The following EFCAB6 variants were observed in gnomAD, a reference collection of about 807,000 sequenced individuals.
EFCAB6 encodes EF-hand calcium-binding domain-containing protein 6.
In EFCAB6, 156 loss-of-function variants were observed where a neutral mutation model predicts 169.8. The observed-to-expected ratio is 0.92, with a 90% confidence interval of 0.81 to 1.05. The LOEUF (loss-of-function observed/expected upper bound fraction) is 1.05, where lower values mean the gene tolerates loss of function less well. Among genes scored for constraint, EFCAB6 ranks in the 50% least tolerant of loss-of-function variants. EFCAB6 has a pLI of 0.00. For synonymous variants in EFCAB6, 698 were observed against 676.4 expected, an observed-to-expected ratio of 1.03 and a Z score of -0.50; for missense variants, 1,800 against 1,829.1, an observed-to-expected ratio of 0.98 and a Z score of 0.29.
chr22:43,667,111 A>G lies in EFCAB6; in HGVS notation c.1976T>C (p.Phe659Ser). 6.2e-7 allele frequency: 1 copy of G among 1,613,474 alleles called. No homozygotes were observed. The highest frequency in any genetic ancestry group is 8.5e-7 in the Non-Finnish European group (1 of 1,179,828). Residue 659 changes from phenylalanine (F) to serine (S), a missense_variant, in exon 17 of 32, where the codon TTT becomes TCT. Transcript: ENST00000262726. ...EPNGKINVHD[F>S]KKVLEDTGMP... is the part of the protein sequence containing the mutation. ...AGAAACCCATTCTCCTACCTTCTTA[A>G]AGTCATGCACGTTAATTTTTCCATT... is the stretch of plus-strand genomic sequence containing the variant.
In EFCAB6 at chr22:43,679,720, G is replaced by A. The variant is rs546380529; in HGVS notation, c.1252-1557C>T. Among the ~76,000 whole-genome samples the A allele has an allele frequency of 1.7e-3, 258 of 152,202 alleles. 1 individual carries two copies. The highest frequency in any genetic ancestry group is 6.2e-3 in the African/African-American group (256 of 41,532). The stretch of plus-strand genomic sequence containing the variant: ...TATCTCGTGGCTTTGAGTTTCTCTA[G>A]TGATCAATACTGTCAAGTATCTTTT... On this transcript the variant is annotated intron_variant, in intron 12 of 31. Coordinates refer to ENST00000262726, the MANE Select transcript of EFCAB6 (RefSeq NM_022785.4).
chr22:43,621,198 C>T (rs2054093471), intron 20 of EFCAB6, among the ~76,000 whole-genome samples: 1 of 151,754 alleles, frequency 6.6e-6, no homozygotes, highest in Non-Finnish European at 1.5e-5. Flanking sequence ...AAGCAATTCT[C>T]CTGTCTCAGC....
chr22:43,627,691 G>C (rs1019792638), intron 19 of EFCAB6, among the ~76,000 whole-genome samples: 2 of 152,150 alleles, frequency 1.3e-5, no homozygotes, highest in Admixed American at 1.3e-4. Flanking sequence ...ATCGGCACCT[G>C]ATGCAGCCCC....
chr22:43,724,113 C>T (rs1311979649), intron 8 of EFCAB6, among the ~76,000 whole-genome samples: 2 of 152,178 alleles, frequency 1.3e-5, no homozygotes, highest in African/African-American at 4.8e-5. Flanking sequence ...CCAAATCTCA[C>T]TGCAAGTGGC....
chr22:43,682,326 G>T (rs972033001), intron 12 of EFCAB6, among the ~76,000 whole-genome samples: 10 of 152,134 alleles, frequency 6.6e-5, no homozygotes, highest in African/African-American at 9.7e-5. Context: ...CATGGACTAC[G>T]TACTCAATTC....
At chr22:43,740,730 G>A (rs1197876869) in intron 6 of EFCAB6, among the ~76,000 whole-genome samples, 2 of 152,118 alleles carry the variant, frequency 1.3e-5, no homozygotes, top group Non-Finnish European at 2.9e-5. Context: ...AAGCAAAGCC[G>A]GCTCCAGTGC....
intron 2 of EFCAB6, among the ~76,000 whole-genome samples, chr22:43,792,916 G>A (rs4823141): frequency 0.6 from 91,393 of 152,126 alleles, 27,583 homozygotes; most frequent in Admixed American, 0.67. Context: ...TCAGTCTCAC[G>A]CATTACCCGG....
In EFCAB6 at chr22:43,672,013, G is replaced by A. The variant is rs369672233; in HGVS notation, c.1600C>T (p.His534Tyr). The change falls in exon 15 of 32, where the codon CAC becomes TAC. Residue 534 changes from histidine (H) to tyrosine (Y), a missense_variant. Transcript: ENST00000262726. ...TTCGTTAAAAATGGACAGAAGACGT[G>A]CATGATTTTCTTGAAATTATTTCGG... ...IGRNNFKKIM[H>Y]VFCPFLTNAH... 11 of 1,613,984 alleles carry A rather than the reference G, an allele frequency of 6.8e-6. No individual in the cohort carries two copies. The highest frequency in any genetic ancestry group is 9.3e-6 in the Non-Finnish European group (11 of 1,180,006).
At chr22:43,717,950 T>C (rs912473563) in intron 8 of EFCAB6, among the ~76,000 whole-genome samples, 10 of 152,300 alleles carry the variant, frequency 6.6e-5, no homozygotes, top group Admixed American at 6.5e-4. Flanking sequence ...AATTAACGGA[T>C]GTGGGAAATG....
chr22:43,668,670 A>G (rs1159613574), intron 16 of EFCAB6, among the ~76,000 whole-genome samples: 4 of 152,198 alleles, frequency 2.6e-5, no homozygotes, highest in Non-Finnish European at 5.9e-5. Context: ...TCATTTCTAA[A>G]TTTAAAAGGT....
rs1603370102 is a variant in EFCAB6 at position 43,784,594 on chromosome 22, TATATAC to T, written c.-7-2275_-7-2270del. Among the ~76,000 whole-genome samples, 11 of 65,454 alleles carry T rather than the reference TATATAC, an allele frequency of 1.7e-4. 2 individuals carry two copies. The highest frequency in any genetic ancestry group is 6.5e-4 in the East Asian group (1 of 1,548). The allele number at this position is 65,454 out of a possible 152,430, so 42.9% of individuals were successfully genotyped here. A position where few individuals can be genotyped will look rare whatever the true frequency, so the allele number is the denominator to read the frequency against. On this transcript the variant is annotated intron_variant, in intron 2 of 31. Coordinates refer to ENST00000262726, the MANE Select transcript of EFCAB6 (RefSeq NM_022785.4). ...GTGTACATATACACATATATATGTATATATACACATATATATGTGTATATATACACA... is the reference window on the plus strand; with the variant it reads ...GTGTACATATACACATATATATGTATACATATATATGTGTATATATACACA...
rs775298096 is a variant in EFCAB6, at chr22:43,683,723, A to C, written c.1251+24T>G. On this transcript the variant is annotated intron_variant, in intron 12 of 31. Coordinates refer to ENST00000262726, the MANE Select transcript of EFCAB6 (RefSeq NM_022785.4). Reference sequence around the variant, plus strand: ...TTCTTAGAAACAATGAGTGTTTCACAAGAGAAGGCTTTCAAAATCTTACAG... The same window carrying C: ...TTCTTAGAAACAATGAGTGTTTCACCAGAGAAGGCTTTCAAAATCTTACAG... 3.9e-6 allele frequency: 6 copies of C among 1,519,758 alleles called. No individual in the cohort carries two copies. In the East Asian group the frequency reaches 1.1e-4, roughly 28 times the overall value. 94.1% of individuals were successfully genotyped at this position (1,519,758 alleles called of 1,614,324 possible). A position where few individuals can be genotyped will look rare whatever the true frequency, so the allele number is the denominator to read the frequency against.
chr22:43,633,941 T>A (rs2055180282), intron 18 of EFCAB6, among the ~76,000 whole-genome samples: 1 of 152,118 alleles, frequency 6.6e-6, no homozygotes, highest in African/African-American at 2.4e-5. Context: ...GGCCTCACTC[T>A]CCACCTTGCT....
At chr22:43,610,082 T>A (rs2053198650) in intron 21 of EFCAB6, among the ~76,000 whole-genome samples, 1 of 152,210 alleles carries the variant, frequency 6.6e-6, no homozygotes. Context: ...ACTGTCAAGC[T>A]CCTGTAAGAG....
chr22:43,624,030 A>G (rs1486810286), intron 20 of EFCAB6, among the ~76,000 whole-genome samples: 1 of 151,806 alleles, frequency 6.6e-6, no homozygotes, highest in African/African-American at 2.4e-5. Context: ...CTCCCAACAG[A>G]CTCCTGAGCT....
chr22:43,753,361 C>T (rs1186082012), intron 6 of EFCAB6, among the ~76,000 whole-genome samples: 4 of 152,284 alleles, frequency 2.6e-5, no homozygotes, highest in Non-Finnish European at 5.9e-5. Context: ...CAGGACTTAG[C>T]GTGGCTGTTG....
At chr22:43,726,276 C>CAAAA (rs3994547) in intron 8 of EFCAB6, among the ~76,000 whole-genome samples, 75 of 59,268 alleles carry the variant, frequency 1.3e-3, no homozygotes, top group Middle Eastern at 0.012. Flanking sequence ...AAAAATTCAC[C>CAAAA]AAAAAAAAAA....
At chr22:43,768,766 T>C (rs750492811) in intron 4 of EFCAB6, among the ~76,000 whole-genome samples, 8 of 152,210 alleles carry the variant, frequency 5.3e-5, no homozygotes, top group Non-Finnish European at 1.2e-4. Context: ...TTCTGTACTT[T>C]TGCTCTTCCT....
At chr22:43,604,172 C>A (rs993387683) in intron 22 of EFCAB6, among the ~76,000 whole-genome samples, 2 of 152,184 alleles carry the variant, frequency 1.3e-5, no homozygotes, top group African/African-American at 4.8e-5. Context: ...CCAATTAAAC[C>A]TCTTTTCTTT....
Sources: gnomAD v4.1 joint callset for allele counts (sites outside exome capture counted in the v4.1 genomes callset) on GRCh38, gnomAD v4.1.1 for gene constraint, MANE v1.5 for transcripts, NCBI Gene and HGNC (gene_info 2026-07-23, HGNC 2026-07-21) for gene names.